Variants in NFATC1 observed in about 807,000 individuals in gnomAD.
NFATC1 encodes nuclear factor of activated T-cells, cytoplasmic 1.
Under a neutral mutation model 76.0 loss-of-function variants are expected in NFATC1, and 22 were observed. The ratio of observed to expected loss-of-function variants is 0.29; its 90% CI spans 0.21 to 0.41. The LOEUF is 0.41. NFATC1 is among the 10% of genes least tolerant of loss of function. The probability of loss-of-function intolerance (pLI) is 1.00; values close to 1 mark genes in which losing one functional copy is unlikely to be tolerated. For synonymous variants in NFATC1, 704 were observed against 613.1 expected (o/e 1.15, Z -2.19); for missense variants, 1,357 against 1,337.7 (o/e 1.01, Z -0.23).
intron 9 of NFATC1, among the ~76,000 whole-genome samples, chr18:79,520,139 A>T (rs1270949002): frequency 1.3e-5 from 2 of 151,470 alleles, no homozygotes; most frequent in Non-Finnish European, 3.0e-5. Context: ...GCAGGGGGAA[A>T]CTTGACGGAG....
intron 9 of NFATC1, among the ~76,000 whole-genome samples, chr18:79,509,180 C>T (rs943549150): frequency 1.3e-5 from 2 of 152,230 alleles, no homozygotes; most frequent in Admixed American, 6.5e-5. Flanking sequence ...TGTGCAGTGG[C>T]GTGGCCCGTG....
At chr18:79,416,616 A>G (rs1052771050) in intron 2 of NFATC1, among the ~76,000 whole-genome samples, 1 of 152,168 alleles carries the variant, frequency 6.6e-6, no homozygotes, top group Non-Finnish European at 1.5e-5. Flanking sequence ...ACCTCCTGGG[A>G]AGACGGATAG....
chr18:79,399,039 C>G (rs2085095709), intron 1 of NFATC1, among the ~76,000 whole-genome samples: 1 of 152,242 alleles, frequency 6.6e-6, no homozygotes. Context: ...TGCACTCCAG[C>G]CTGGGTGACA....
intron 9 of NFATC1, among the ~76,000 whole-genome samples, chr18:79,487,715 T>A (rs1420933557): frequency 1.3e-5 from 2 of 152,232 alleles, no homozygotes; most frequent in Non-Finnish European, 2.9e-5. Context: ...CAGCCCGACT[T>A]GCTTGCAGTC....
At chr18:79,469,946 G>T in intron 8 of NFATC1, 1 of 985,520 alleles carries the variant, frequency 1.0e-6, no homozygotes, top group Non-Finnish European at 1.2e-6. Flanking sequence ...GATCCCCAGT[G>T]TTGACGCTGG....
At chr18:79,495,140 G>T (rs28657738) in intron 9 of NFATC1, among the ~76,000 whole-genome samples, 14,186 of 152,318 alleles carry the variant, frequency 0.093, 2,140 homozygotes, top group African/African-American at 0.32. Flanking sequence ...TGCATGGGCT[G>T]TGCACATCCC....
intron 8 of NFATC1, among the ~76,000 whole-genome samples, chr18:79,479,558 A>G (rs763531412): frequency 1.2e-4 from 18 of 152,232 alleles, no homozygotes; most frequent in Non-Finnish European, 2.2e-4. Flanking sequence ...AGCTTCTTAG[A>G]TGCTGGGGTG....
At chr18:79,408,472 G>C (rs1039524910) in intron 1 of NFATC1, among the ~76,000 whole-genome samples, 5 of 152,184 alleles carry the variant, frequency 3.3e-5, no homozygotes, top group African/African-American at 1.2e-4. Context: ...ATATTTTATT[G>C]AGTGTAATTA....
intron 9 of NFATC1, among the ~76,000 whole-genome samples, chr18:79,511,504 AATGGCTGTGAGGGCACCAGGGCC>A (rs1336887472): frequency 6.6e-6 from 1 of 151,966 alleles, no homozygotes; most frequent in Non-Finnish European, 1.5e-5. Flanking sequence ...CGGCACAGGT[AATGGCTGTGAGGGCACCAGGGCC>A]ATGGCACAGT....
intron 9 of NFATC1, among the ~76,000 whole-genome samples, chr18:79,491,302 T>A (rs1271328727): frequency 6.6e-6 from 1 of 151,992 alleles, no homozygotes; most frequent in Non-Finnish European, 1.5e-5. Flanking sequence ...CAAGGGACGA[T>A]CCCAGCACCT....
chr18:79,459,455 C>T (rs1027290224), intron 6 of NFATC1, among the ~76,000 whole-genome samples: 1 of 152,174 alleles, frequency 6.6e-6, no homozygotes, highest in African/African-American at 2.4e-5. Flanking sequence ...GTGTTGGCCT[C>T]GGCTGCAAAA....
intron 8 of NFATC1, among the ~76,000 whole-genome samples, chr18:79,483,524 TGGTCCTGGGG>T (rs2089385526): frequency 8.4e-6 from 1 of 119,060 alleles, no homozygotes; most frequent in African/African-American, 3.5e-5. Context: ...CGGCGTGACC[TGGTCCTGGGG>T]TGTCACTCCG....
chr18:79,504,140 A>G (rs889432376), intron 9 of NFATC1, among the ~76,000 whole-genome samples: 22 of 152,226 alleles, frequency 1.4e-4, no homozygotes, highest in African/African-American at 4.6e-4. Context: ...TCACTAGGGC[A>G]GCGGTTTTCA....
intron 3 of NFATC1, among the ~76,000 whole-genome samples, chr18:79,439,944 A>G (rs1333264902): frequency 6.6e-6 from 1 of 152,140 alleles, no homozygotes; most frequent in Non-Finnish European, 1.5e-5. Context: ...ATTTGAGAAA[A>G]TGGGTGGAAT....
At chr18:79,474,857 G>C in intron 8 of NFATC1, among the ~76,000 whole-genome samples, 1 of 143,614 alleles carries the variant, frequency 7.0e-6, no homozygotes, top group South Asian at 2.2e-4. Context: ...ACGTAAACCT[G>C]AGGGAAGCGT....
At chr18:79,487,955 G>A (rs899307965) in intron 9 of NFATC1, among the ~76,000 whole-genome samples, 2 of 152,198 alleles carry the variant, frequency 1.3e-5, no homozygotes, top group African/African-American at 2.4e-5. Flanking sequence ...AGTGTATGAC[G>A]TTTCCCAGGC....
chr18:79,407,805 G>A (rs529412728), intron 1 of NFATC1, among the ~76,000 whole-genome samples: 21 of 152,172 alleles, frequency 1.4e-4, no homozygotes, highest in Non-Finnish European at 2.4e-4. Context: ...CGTGGCTCCC[G>A]TCCTCTTGAG....
chr18:79,430,118 G>C (rs1455852341), intron 2 of NFATC1, among the ~76,000 whole-genome samples: 1 of 152,218 alleles, frequency 6.6e-6, no homozygotes, highest in African/African-American at 2.4e-5. Context: ...AATGGCCTAA[G>C]GACGCGTTTT....
intron 1 of NFATC1, among the ~76,000 whole-genome samples, chr18:79,399,545 C>T (rs1334867857): frequency 6.6e-6 from 1 of 152,036 alleles, no homozygotes; most frequent in Non-Finnish European, 1.5e-5. Context: ...CCCAGGGCGG[C>T]CTCAGCTAAG....
Sources: gnomAD v4.1 joint callset for allele counts (sites outside exome capture counted in the v4.1 genomes callset) on GRCh38, gnomAD v4.1.1 for gene constraint, MANE v1.5 for transcripts, NCBI Gene and HGNC (gene_info 2026-07-23, HGNC 2026-07-21) for gene names.